The following GTF2IRD1 variants were observed in gnomAD, a reference collection of about 807,000 sequenced individuals.
GTF2IRD1 encodes general transcription factor II-I repeat domain-containing protein 1.
GTF2IRD1 carries 26 observed loss-of-function variants against 113.2 expected under a neutral mutation model. The observed-to-expected ratio is 0.23, with a 90% CI of 0.17 to 0.32. The LOEUF is 0.32. GTF2IRD1 is among the 10% of genes least tolerant of loss of function. GTF2IRD1 has a pLI of 1.00. For synonymous variants in GTF2IRD1, 484 were observed against 529.1 expected (o/e 0.91, Z 1.17); for missense variants, 864 against 1,280.8 (o/e 0.67, Z 4.97).
At chr7:74,601,585 C>A in intron 26 of GTF2IRD1, 3 of 803,838 alleles carry the variant, frequency 3.7e-6, no homozygotes, top group Non-Finnish European at 3.6e-6. Context: ...CCAGGCTGAC[C>A]AACACGGGGA....
intron 1 of GTF2IRD1, chr7:74,507,365 G>C (rs10265459): frequency 0.077 from 11,706 of 152,180 alleles, 1,383 homozygotes; most frequent in African/African-American, 0.26. Context: ...CCAGCTACCC[G>C]GGAGGCTGAG....
At chr7:74,571,448 C>T (rs1192453491) in intron 22 of GTF2IRD1, among the ~76,000 whole-genome samples, 1 of 152,162 alleles carries the variant, frequency 6.6e-6, no homozygotes, top group African/African-American at 2.4e-5. Context: ...CGGAGGAACC[C>T]GTACAGCCCC....
Position 74,559,002 on chromosome 7 carries a change from G to A in GTF2IRD1, c.2249G>A (p.Arg750Lys). The A allele has an allele frequency of 6.2e-7, 1 of 1,614,082 alleles. No homozygotes were observed. Among genetic ancestry groups the A allele is most frequent in the South Asian group, 1.1e-5 (1 of 91,072 alleles). The change falls in exon 21 of 27, where the codon AGG becomes AAG. Residue 750 changes from arginine (R) to lysine (K), a missense_variant. By Grantham distance (26) the Arg-to-Lys change is conservative (BLOSUM62 2). Coordinates refer to ENST00000424337, the MANE Select transcript of GTF2IRD1 (RefSeq NM_005685.4). ...PCTFGSQNLE[R>K]ILAVADKIKF... is the part of the protein sequence containing the mutation. ...ACCTTCGGCTCCCAGAACCTGGAGA[G>A]GATTCTTGCTGTGGCTGACAAGATC...
chr7:74,514,691 G>T (rs925647199), intron 3 of GTF2IRD1, among the ~76,000 whole-genome samples: 5 of 151,810 alleles, frequency 3.3e-5, no homozygotes, highest in East Asian at 1.9e-4. Context: ...GGGTTGGGGG[G>T]TGCCTCCCAA....
chr7:74,463,704 A>G (rs1283282708), intron 1 of GTF2IRD1, among the ~76,000 whole-genome samples: 1 of 150,068 alleles, frequency 6.7e-6, no homozygotes, highest in Non-Finnish European at 1.5e-5. Flanking sequence ...CCTTTGGGCC[A>G]GAGTAGGACC....
chr7:74,595,572 T>C (rs1802364510), intron 25 of GTF2IRD1, among the ~76,000 whole-genome samples: 1 of 151,702 alleles, frequency 6.6e-6, no homozygotes, highest in African/African-American at 2.4e-5. Flanking sequence ...GAAATAGATG[T>C]GGTCCAGGTG....
chr7:74,593,977 T>A (rs1554371085), intron 24 of GTF2IRD1, among the ~76,000 whole-genome samples: 3 of 151,238 alleles, frequency 2.0e-5, no homozygotes, highest in East Asian at 2.0e-4. Flanking sequence ...AGGCGGGCAG[T>A]TCACGAGGTC....
At chr7:74,518,440 T>G (rs1431880276) in intron 5 of GTF2IRD1, 118 bp downstream of exon 5, 1 of 759,466 alleles carries the variant, frequency 1.3e-6, no homozygotes, top group African/African-American at 1.8e-5. Context: ...TGGGGGACCC[T>G]GGTGGTGAAA....
intron 1 of GTF2IRD1, among the ~76,000 whole-genome samples, chr7:74,456,983 C>T (rs1554327568): frequency 1.3e-5 from 2 of 151,990 alleles, no homozygotes; most frequent in African/African-American, 4.8e-5. Context: ...CCATGATGTC[C>T]TCTCTTTTTT....
chr7:74,491,334 T>A, intron 1 of GTF2IRD1, among the ~76,000 whole-genome samples: 1 of 143,512 alleles, frequency 7.0e-6, no homozygotes, highest in East Asian at 2.0e-4. Context: ...TTTTTTTTTT[T>A]ACTTTGAGGT....
chr7:74,559,407 G>C (rs1799811505), intron 21 of GTF2IRD1, among the ~76,000 whole-genome samples: 1 of 152,248 alleles, frequency 6.6e-6, no homozygotes, highest in Admixed American at 6.5e-5. Flanking sequence ...ACAAGGCCCA[G>C]GTCTGCGTCC....
At chr7:74,520,685 T>G (rs1396360648) in intron 6 of GTF2IRD1, among the ~76,000 whole-genome samples, 2 of 149,182 alleles carry the variant, frequency 1.3e-5, no homozygotes, top group Non-Finnish European at 3.0e-5. Context: ...TAATTCCAGC[T>G]CTTTGGGAGG....
At chr7:74,570,775 A>G (rs148146982) in intron 22 of GTF2IRD1, among the ~76,000 whole-genome samples, 4 of 152,190 alleles carry the variant, frequency 2.6e-5, no homozygotes, top group Admixed American at 6.6e-5. Context: ...GCCACTCACT[A>G]GAGAGGCCGC....
chr7:74,508,264 G>C (rs1796412861), intron 2 of GTF2IRD1, 61 bp downstream of exon 2: 3 of 1,557,288 alleles, frequency 1.9e-6, no homozygotes, highest in East Asian at 2.3e-5. Context: ...CTGCCTTGTA[G>C]CTCAAGTCCT....
intron 17 of GTF2IRD1, among the ~76,000 whole-genome samples, chr7:74,554,590 G>A (rs1799493002): frequency 6.6e-6 from 1 of 152,250 alleles, no homozygotes; most frequent in Admixed American, 6.6e-5. Flanking sequence ...CCAGGCTGGA[G>A]TGCAGTGGTG....
chr7:74,571,831 A>G (rs2130871646), intron 22 of GTF2IRD1, among the ~76,000 whole-genome samples: 1 of 152,224 alleles, frequency 6.6e-6, no homozygotes, highest in East Asian at 1.9e-4. Context: ...ATTGTACTCC[A>G]GCCTGGGCAA....
At chr7:74,491,270 C>A (rs1475208348) in intron 1 of GTF2IRD1, among the ~76,000 whole-genome samples, 2 of 150,474 alleles carry the variant, frequency 1.3e-5, no homozygotes, top group Non-Finnish European at 2.9e-5. Flanking sequence ...CCCACTGCTG[C>A]ACTCCAGCCT....
chr7:74,589,247 T>A (rs1801909396), intron 22 of GTF2IRD1, among the ~76,000 whole-genome samples: 1 of 152,054 alleles, frequency 6.6e-6, no homozygotes, highest in Non-Finnish European at 1.5e-5. Context: ...TCCCAGCTAC[T>A]CAGGAGGCTG....
At chr7:74,586,556 C>T (rs1318272968) in intron 22 of GTF2IRD1, among the ~76,000 whole-genome samples, 2 of 152,150 alleles carry the variant, frequency 1.3e-5, no homozygotes, top group East Asian at 1.9e-4. Flanking sequence ...TGGGTGTGGA[C>T]GGACCAGGCC....
Sources: gnomAD v4.1 joint callset for allele counts (sites outside exome capture counted in the v4.1 genomes callset) on GRCh38, gnomAD v4.1.1 for gene constraint, MANE v1.5 for transcripts, NCBI Gene and HGNC (gene_info 2026-07-23, HGNC 2026-07-21) for gene names.